GREB1: variants seen among roughly 807,000 people sequenced by gnomAD.
GREB1 encodes protein GREB1.
Under a neutral mutation model 200.7 loss-of-function variants are expected in GREB1, and 106 were observed. That is an observed-to-expected ratio of 0.53 (90% CI 0.45 to 0.62). The LOEUF (loss-of-function observed/expected upper bound fraction) is 0.62, where lower values mean the gene tolerates loss of function less well. GREB1 is among the 20% of genes least tolerant of loss of function. The pLI, the probability that GREB1 is intolerant of heterozygous loss-of-function variation, is 0.00. For missense variants in GREB1, 2,243 were observed against 2,556.8 expected, an observed-to-expected ratio of 0.88 and a Z score of 2.65; for synonymous variants, 1,132 against 1,092.4, an observed-to-expected ratio of 1.04 and a Z score of -0.72.
chr2:11,607,452 GTGTGTGTGTATA>G lies in GREB1; in HGVS notation c.2667-3234_2667-3223del, dbSNP rs746199820. 6.8e-5 allele frequency among the ~76,000 whole-genome samples: 9 copies of G among 131,498 alleles called. No homozygotes were observed. In the South Asian group the frequency reaches 7.0e-4, roughly 10 times the overall value. 86.3% of individuals were successfully genotyped at this position (131,498 alleles called of 152,430 possible). ...TATGTGTGTGTGTGTGTGTGTGTGT[GTGTGTGTGTATA>G]TATATATACACACACATACATATAT... On this transcript the variant is annotated intron_variant, in intron 17 of 32. Transcript: ENST00000381486.
At position 11,580,427 on chromosome 2, in the gene GREB1, C is replaced by T. The variant is rs935551187; in HGVS notation, c.773-277C>T. On this transcript the variant is annotated intron_variant, in intron 6 of 32. Coordinates refer to ENST00000381486, the MANE Select transcript of GREB1 (RefSeq NM_014668.4). This position sits in a 1 kb window ranked among gnomAD's most constrained non-coding sequence, Gnocchi z 4.5. ...GCATGTATATAGGCATGTGTTTGTG[C>T]ATGTGTATGTGTGTACATGTTTGTG... Among the ~76,000 whole-genome samples, 3 of 152,052 alleles carry T rather than the reference C, an allele frequency of 2.0e-5. No homozygotes were observed. The highest frequency in any genetic ancestry group is 1.3e-4 in the Admixed American group (2 of 15,252).
intron 3 of GREB1, among the ~76,000 whole-genome samples, chr2:11,565,695 G>A (rs1321200410): frequency 6.6e-6 from 1 of 152,196 alleles, no homozygotes; most frequent in African/African-American, 2.4e-5. Context: ...TGAAGGGCAT[G>A]GAATGAGAAT....
chr2:11,612,342 T>C, intron 18 of GREB1, 153 bp from the exon 19 acceptor site: 2 of 1,388,414 alleles, frequency 1.4e-6, no homozygotes, highest in East Asian at 5.6e-5. Flanking sequence ...AAGTGGATGG[T>C]GTGCTTATTT....
At chr2:11,507,039 C>A (rs4669740) in intron 1 of GREB1, among the ~76,000 whole-genome samples, 148,698 of 152,342 alleles carry the variant, frequency 0.98, 72,626 homozygotes, top group South Asian at 1. Flanking sequence ...GAAATTAAAA[C>A]AGAAATAATC....
chr2:11,516,354 A>G lies in GREB1; in HGVS notation c.-159+33973A>G, dbSNP rs184776850. Among the ~76,000 whole-genome samples the G allele has an allele frequency of 4.2e-5, 6 of 143,064 alleles. No individual in the cohort carries two copies. The East Asian group carries it at 9.8e-4, about 23-fold the overall frequency. The allele number at this position is 143,064 out of a possible 152,430, so 93.9% of individuals were successfully genotyped here. On this transcript the variant is annotated intron_variant, in intron 1 of 2. Transcript: ENST00000628795. ...TGTGTGTGTGTGTGTGTGTGCACGCAATCTGTTCTCTTCTATCTTGCCCTG... is the reference window on the plus strand; with the variant it reads ...TGTGTGTGTGTGTGTGTGTGCACGCGATCTGTTCTCTTCTATCTTGCCCTG...
chr2:11,515,663 C>G (rs2148459362), intron 1 of GREB1, among the ~76,000 whole-genome samples: 1 of 152,350 alleles, frequency 6.6e-6, no homozygotes, highest in Non-Finnish European at 1.5e-5. Context: ...CCTCCTGTGT[C>G]TCCCAGGAGG....
intron 31 of GREB1, among the ~76,000 whole-genome samples, chr2:11,638,189 G>A (rs1276911531): frequency 6.6e-6 from 1 of 152,182 alleles, no homozygotes; most frequent in East Asian, 1.9e-4. Flanking sequence ...CGCCCAGGCT[G>A]GAGTGCAATG....
At chr2:11,581,349 G>A (rs903622567) in intron 7 of GREB1, 1 of 293,234 alleles carries the variant, frequency 3.4e-6, no homozygotes, top group African/African-American at 2.2e-5. Flanking sequence ...TCACTAATCG[G>A]TACCGGCTGT....
intron 3 of GREB1, among the ~76,000 whole-genome samples, chr2:11,565,410 C>G (rs1308692300): frequency 6.6e-6 from 1 of 152,160 alleles, no homozygotes; most frequent in Non-Finnish European, 1.5e-5. Context: ...AAGCACTGCA[C>G]TCAGGAGGAA....
At chr2:11,606,298 T>TCC (rs1415341450) in intron 17 of GREB1, among the ~76,000 whole-genome samples, 1 of 152,228 alleles carries the variant, frequency 6.6e-6, no homozygotes, top group Non-Finnish European at 1.5e-5. Context: ...CATTTTACAT[T>TCC]CCCATCAGAA....
At chr2:11,514,324 A>G (rs1673429621) in intron 1 of GREB1, among the ~76,000 whole-genome samples, 1 of 94,950 alleles carries the variant, frequency 1.1e-5, no homozygotes, top group Non-Finnish European at 2.2e-5. Context: ...AGAGTCAGAG[A>G]AAATCAGTTA....
At chr2:11,594,361 T>C (rs1033461744) in intron 11 of GREB1, among the ~76,000 whole-genome samples, 1 of 108,606 alleles carries the variant, frequency 9.2e-6, no homozygotes, top group South Asian at 2.8e-4. Context: ...GCATTTTTTT[T>C]CTTTTTTTTT....
chr2:11,581,779 G>A (rs1022025295), intron 7 of GREB1, among the ~76,000 whole-genome samples: 2 of 152,232 alleles, frequency 1.3e-5, no homozygotes, highest in Non-Finnish European at 2.9e-5. Flanking sequence ...CTGTTTTACA[G>A]AGGAGGAGAC....
intron 1 of GREB1, among the ~76,000 whole-genome samples, chr2:11,523,699 A>G (rs1246054768): frequency 2.0e-5 from 3 of 152,172 alleles, no homozygotes; most frequent in Non-Finnish European, 4.4e-5. Flanking sequence ...AGGACCTGCA[A>G]ACAACCCTGG....
At chr2:11,562,372 G>T in intron 2 of GREB1, 91 bp from the exon 3 acceptor site, 1 of 1,550,050 alleles carries the variant, frequency 6.5e-7, no homozygotes, top group Non-Finnish European at 8.7e-7. Context: ...GGCTTGTTGA[G>T]CCTGAGAATG....
intron 4 of GREB1, among the ~76,000 whole-genome samples, chr2:11,567,560 C>T (rs377247453): frequency 1.8e-4 from 28 of 152,330 alleles, no homozygotes; most frequent in African/African-American, 4.8e-4. Flanking sequence ...CCGGTACCAT[C>T]CCACGTGGTC....
intron 21 of GREB1, among the ~76,000 whole-genome samples, chr2:11,617,052 GTT>G (rs1683470268): frequency 6.6e-6 from 1 of 152,228 alleles, no homozygotes; most frequent in South Asian, 2.1e-4. Context: ...CCCTGCCGTT[GTT>G]GGTTTGGGAA....
At chr2:11,519,460 T>G (rs968881939) in intron 1 of GREB1, among the ~76,000 whole-genome samples, 1 of 143,446 alleles carries the variant, frequency 7.0e-6, no homozygotes, top group African/African-American at 2.6e-5. Flanking sequence ...TTTTTTTTTT[T>G]TTTTTTTTTT....
chr2:11,492,240 C>A lies in GREB1; in HGVS notation c.-159+9859C>A, dbSNP rs982795684. 6.6e-6 allele frequency among the ~76,000 whole-genome samples: 1 copy of A among 152,188 alleles called. No homozygotes were observed. The highest frequency in any genetic ancestry group is 2.4e-5 in the African/African-American group (1 of 41,436). ...GAGTGGGCTCTTCCCTCATGCCCAC[C>A]CCACTTGGTAGAAGCAACCATGCCA... On this transcript the variant is annotated intron_variant, in intron 1 of 2. Transcript: ENST00000628795. The surrounding 1 kb of genome is among the most constrained non-coding windows in gnomAD (Gnocchi z 4.0).
Sources: allele counts gnomAD v4.1 joint callset (sites outside exome capture counted in the v4.1 genomes callset), GRCh38; gene constraint gnomAD v4.1.1; non-coding constraint Gnocchi (gnomAD v3.1); transcripts MANE v1.5; gene names NCBI Gene and HGNC (gene_info 2026-07-23, HGNC 2026-07-21).